The following MRPL3 variants were observed in gnomAD, a reference collection of about 807,000 sequenced individuals.
MRPL3 encodes large ribosomal subunit protein uL3m.
MRPL3 carries 43 observed loss-of-function variants against 44.3 expected under a neutral mutation model. That is an observed-to-expected ratio of 0.97 (90% CI 0.76 to 1.25). The LOEUF is 1.25. Ranked by LOEUF, MRPL3 falls within the 50% of genes most tolerant of loss-of-function variation. The pLI is 0.00. For missense variants in MRPL3, 406 were observed against 427.6 expected, an observed-to-expected ratio of 0.95 and a Z score of 0.45; for synonymous variants, 171 against 152.3, an observed-to-expected ratio of 1.12 and a Z score of -0.91.
intron 6 of MRPL3, among the ~76,000 whole-genome samples, chr3:131,476,640 TAAG>T (rs1364081144): frequency 6.6e-6 from 1 of 152,164 alleles, no homozygotes; most frequent in Non-Finnish European, 1.5e-5. Flanking sequence ...ATTTGAAAAT[TAAG>T]AAGACATAAA....
intron 9 of MRPL3, among the ~76,000 whole-genome samples, chr3:131,463,660 C>G (rs898847583): frequency 6.6e-6 from 1 of 151,956 alleles, no homozygotes; most frequent in Non-Finnish European, 1.5e-5. Context: ...AATAACAGAC[C>G]TATGGGTCTT....
chr3:131,480,101 A>G (rs2110703254), intron 6 of MRPL3, among the ~76,000 whole-genome samples: 1 of 152,360 alleles, frequency 6.6e-6, no homozygotes, highest in African/African-American at 2.4e-5. Flanking sequence ...ATCTCCCTCA[A>G]GATTAGCTTT....
chr3:131,473,260 T>A (rs1281084713), intron 6 of MRPL3, among the ~76,000 whole-genome samples: 1 of 151,766 alleles, frequency 6.6e-6, no homozygotes, highest in Non-Finnish European at 1.5e-5. Context: ...AATTCACACA[T>A]CACGGGCAAT....
chr3:131,476,923 G>C (rs947253464), intron 6 of MRPL3, among the ~76,000 whole-genome samples: 11 of 152,150 alleles, frequency 7.2e-5, no homozygotes, highest in African/African-American at 2.7e-4. Flanking sequence ...TGTATAATGG[G>C]CATGCCTTTT....
Position 131,495,446 on chromosome 3 carries a change from T to C in MRPL3, c.468+2733A>G, listed in dbSNP as rs1030963435. ...AATTTTATATCTTGAAGAAATTTTA[T>C]ATCTTGAAGAAAGAAGGTCCTTCGC... On this transcript the variant is annotated intron_variant, in intron 4 of 9. Transcript: ENST00000264995. Among the ~76,000 whole-genome samples, 5 of 152,284 alleles carry C rather than the reference T, an allele frequency of 3.3e-5. No individual in the cohort carries two copies. The East Asian group carries it at 9.6e-4, about 29-fold the overall frequency.
chr3:131,468,904 A>G (rs2110695181), intron 8 of MRPL3, among the ~76,000 whole-genome samples: 1 of 152,168 alleles, frequency 6.6e-6, no homozygotes, highest in African/African-American at 2.4e-5. Flanking sequence ...GAGGATATGC[A>G]CCAAAATGTT....
At chr3:131,481,917 T>C (rs1272168283) in intron 6 of MRPL3, among the ~76,000 whole-genome samples, 3 of 152,188 alleles carry the variant, frequency 2.0e-5, no homozygotes, top group Non-Finnish European at 2.9e-5. Flanking sequence ...AGGCAGCACA[T>C]ACCTTGCTTT....
intron 3 of MRPL3, among the ~76,000 whole-genome samples, chr3:131,499,607 C>T (rs1339637167): frequency 6.6e-6 from 1 of 152,164 alleles, no homozygotes; most frequent in Non-Finnish European, 1.5e-5. Context: ...ACTCTAAGCA[C>T]TTAGGTGCAT....
rs1300227681 is a variant in MRPL3 at position 131,471,297 on chromosome 3, T to C, written c.630-18A>G. On this transcript the variant is annotated intron_variant, in intron 6 of 9. Transcript: ENST00000264995. ...TACCAATACTGAACAAAACAAACGT[T>C]AGAATTTACATAATGAAAAGAGCAT... 7.2e-6 allele frequency: 11 copies of C among 1,528,220 alleles called. No individual in the cohort carries two copies. Among genetic ancestry groups the C allele is most frequent in the African/African-American group, 1.4e-5 (1 of 73,244 alleles). The allele number at this position is 1,528,220 out of a possible 1,614,324, so 94.7% of individuals were successfully genotyped here.
At chr3:131,465,547 T>G (rs1441699367) in intron 9 of MRPL3, among the ~76,000 whole-genome samples, 1 of 152,212 alleles carries the variant, frequency 6.6e-6, no homozygotes, top group East Asian at 1.9e-4. Flanking sequence ...GAATCATGTA[T>G]GTAGAAAAAT....
intron 9 of MRPL3, among the ~76,000 whole-genome samples, chr3:131,465,765 T>C (rs904058955): frequency 2.0e-5 from 3 of 152,166 alleles, no homozygotes; most frequent in Non-Finnish European, 4.4e-5. Context: ...TGGCTTCAAC[T>C]ATCTGTCATT....
At chr3:131,489,351 G>A (rs1403729673) in intron 5 of MRPL3, among the ~76,000 whole-genome samples, 1 of 152,040 alleles carries the variant, frequency 6.6e-6, no homozygotes, top group Admixed American at 6.6e-5. Flanking sequence ...TACTGCAACT[G>A]TATTTTACTT....
In MRPL3 at chr3:131,498,252, T is replaced by A; in HGVS notation, c.395A>T (p.Tyr132Phe). 6.2e-7 allele frequency: 1 copy of A among 1,610,696 alleles called. No homozygotes were observed. Among genetic ancestry groups the A allele is most frequent in the South Asian group, 1.1e-5 (1 of 90,994 alleles). ...LQVQDCHVLKYTSKENCNGKM... is the reference protein window; with the variant it reads ...LQVQDCHVLKFTSKENCNGKM... ...TCCATTACAGTTTTCCTTTGACGTA[T>A]ATTTTAAGACATGACAGTCTTGTAC... The change falls in exon 4 of 10, where the codon TAT (tyrosine) becomes TTT (phenylalanine). Residue 132 changes from tyrosine to phenylalanine, a missense_variant. Physicochemically the swap from Tyr to Phe is conservative, Grantham distance 22. Coordinates refer to ENST00000264995, the MANE Select transcript of MRPL3 (RefSeq NM_007208.4).
In MRPL3 at chr3:131,468,122, G is replaced by C. The variant is rs751903627; in HGVS notation, c.863C>G (p.Ser288Cys). 1.3e-6 allele frequency: 2 copies of C among 1,592,568 alleles called. No homozygotes were observed. The highest frequency in any genetic ancestry group is 8.5e-7 in the Non-Finnish European group (1 of 1,171,660). ...TAAGCAATTTTTATGTCCAGGTACA[G>C]AGCCATTTACATAGATTATGTTGTG... is the stretch of plus-strand genomic sequence containing the variant. ...TKHNIIYVNG[S>C]VPGHKNCLVK... Residue 288 changes from serine (S) to cysteine (C), a missense_variant, in exon 9 of 10, where the codon TCT (serine) becomes TGT (cysteine). Physicochemically the swap from Ser to Cys is moderately radical, Grantham distance 112. Transcript: ENST00000264995.
chr3:131,482,034 G>C (rs975049085), intron 6 of MRPL3, among the ~76,000 whole-genome samples: 2 of 152,140 alleles, frequency 1.3e-5, no homozygotes, highest in Admixed American at 6.5e-5. Flanking sequence ...TACTGGGCTA[G>C]GTATACAGCC....
At chr3:131,469,841 A>G (rs1933704076) in intron 7 of MRPL3, 68 bp from the exon 8 acceptor site, 1 of 922,732 alleles carries the variant, frequency 1.1e-6, no homozygotes, top group South Asian at 1.5e-5. Flanking sequence ...ATCAAACCAC[A>G]ATGTAAACTA....
At chr3:131,479,114 C>A (rs755792102) in intron 6 of MRPL3, 1 of 517,074 alleles carries the variant, frequency 1.9e-6, no homozygotes, top group East Asian at 5.5e-5. Context: ...TAGAGTCCTG[C>A]AATTTATCCA....
rs762600562 is a variant in MRPL3 at position 131,502,762 on chromosome 3, G to T, written c.60C>A (p.Asp20Glu). ...VGAQVLGRLGDGLGAALGPGN... is the reference protein window; with the variant it reads ...VGAQVLGRLGEGLGAALGPGN... Reference sequence around the variant, plus strand: ...CCGGGCCCAGGGCAGCACCCAGGCCGTCCCCGAGTCGACCCAGCACCTGGG... The same window carrying T: ...CCGGGCCCAGGGCAGCACCCAGGCCTTCCCCGAGTCGACCCAGCACCTGGG... Residue 20 changes from aspartate to glutamate, a missense_variant, in exon 1 of 10, where the codon GAC (aspartate) becomes GAA (glutamate). Physicochemically the swap from Asp to Glu is conservative, Grantham distance 45. Coordinates refer to ENST00000264995, the MANE Select transcript of MRPL3 (RefSeq NM_007208.4). The T allele has an allele frequency of 1.2e-6, 2 of 1,612,120 alleles. No individual in the cohort carries two copies. Among genetic ancestry groups the T allele is most frequent in the East Asian group, 2.2e-5 (1 of 44,806 alleles).
Position 131,471,274 on chromosome 3 carries a change from C to A in MRPL3, c.635G>T (p.Gly212Val), listed in dbSNP as rs1159673513. ...QYVDVTAKTI[G>V]KGFQGVMKRW... Reference sequence around the variant, plus strand: ...TTTCATGACACCTTGAAAACCTTTACCAATACTGAACAAAACAAACGTTAG... The same window carrying A: ...TTTCATGACACCTTGAAAACCTTTAACAATACTGAACAAAACAAACGTTAG... Residue 212 changes from glycine (G) to valine (V), a missense_variant, in exon 7 of 10, where the codon GGT becomes GTT. Transcript: ENST00000264995. 1 of 1,608,872 alleles carries A rather than the reference C, an allele frequency of 6.2e-7. No individual in the cohort carries two copies. The highest frequency in any genetic ancestry group is 1.7e-5 in the Admixed American group (1 of 59,880).
Sources: allele counts gnomAD v4.1 joint callset (sites outside exome capture counted in the v4.1 genomes callset), GRCh38; gene constraint gnomAD v4.1.1; transcripts MANE v1.5; gene names NCBI Gene and HGNC (gene_info 2026-07-23, HGNC 2026-07-21).